Variants in MAPRE2 observed in about 807,000 individuals in gnomAD.
MAPRE2 encodes microtubule associated protein RP/EB family member 2, also known as microtubule-associated protein RP/EB family member 2.
MAPRE2 carries 13 observed loss-of-function variants against 43.2 expected under a neutral mutation model. The observed-to-expected ratio is 0.30, with a 90% CI of 0.20 to 0.48. The LOEUF (loss-of-function observed/expected upper bound fraction) is 0.48, where lower values mean the gene tolerates loss of function less well. Ranked by LOEUF, MAPRE2 falls within the 20% of genes least tolerant of loss-of-function variation. The probability of loss-of-function intolerance (pLI) is 0.99; values close to 1 mark genes in which losing one functional copy is unlikely to be tolerated. For missense variants in MAPRE2, 161 were observed against 400.2 expected (o/e 0.40, Z 5.10); for synonymous variants, 135 against 148.8 (o/e 0.91, Z 0.68).
intron 2 of MAPRE2, among the ~76,000 whole-genome samples, chr18:35,012,476 G>A (rs910190044): frequency 2.6e-5 from 4 of 152,124 alleles, no homozygotes; most frequent in African/African-American, 4.8e-5. Flanking sequence ...ATTCACAGTC[G>A]CCAAAAGGTG....
At chr18:35,132,384 A>T (rs1910197285) in intron 6 of MAPRE2, among the ~76,000 whole-genome samples, 194 bp downstream of exon 6, 1 of 152,250 alleles carries the variant, frequency 6.6e-6, no homozygotes, top group African/African-American at 2.4e-5. Context: ...TGGGACAGGC[A>T]GTCATAAATT....
intron 2 of MAPRE2, among the ~76,000 whole-genome samples, chr18:35,029,309 T>C (rs2150591337): frequency 6.6e-6 from 1 of 152,330 alleles, no homozygotes; most frequent in South Asian, 2.1e-4. Context: ...GCTGCCGGCC[T>C]CATGTTCCCT....
At chr18:35,102,869 A>G (rs1386613676) in intron 4 of MAPRE2, among the ~76,000 whole-genome samples, 1 of 152,196 alleles carries the variant, frequency 6.6e-6, no homozygotes, top group African/African-American at 2.4e-5. Flanking sequence ...CTGCACAATT[A>G]AGCATGAAAT....
At chr18:35,055,537 C>CTGTG (rs34194364) in intron 1 of MAPRE2, among the ~76,000 whole-genome samples, 2,048 of 146,672 alleles carry the variant, frequency 0.014, 55 homozygotes, top group African/African-American at 0.044. Context: ...ATTCAGTTCT[C>CTGTG]TGTGTGTGTG....
chr18:34,982,648 A>G (rs1410957128), intron 1 of MAPRE2, among the ~76,000 whole-genome samples: 1 of 152,224 alleles, frequency 6.6e-6, no homozygotes, highest in East Asian at 1.9e-4. Flanking sequence ...TATTTCTTAA[A>G]CCAGAGCTTT....
At chr18:35,114,388 C>T (rs942774503) in intron 4 of MAPRE2, among the ~76,000 whole-genome samples, 2 of 152,074 alleles carry the variant, frequency 1.3e-5, no homozygotes, top group East Asian at 3.9e-4. Context: ...AAAAACATTT[C>T]CTTTCATCCT....
chr18:35,083,340 A>G (rs974515918), intron 2 of MAPRE2, among the ~76,000 whole-genome samples: 6 of 152,172 alleles, frequency 3.9e-5, no homozygotes, highest in Admixed American at 3.9e-4. Flanking sequence ...GAAACTTTCT[A>G]TTTTCATGAC....
In MAPRE2 at chr18:35,026,407, T is replaced by C. The variant is rs573061914; in HGVS notation, c.-8+20854T>C. 2.0e-5 allele frequency among the ~76,000 whole-genome samples: 3 copies of C among 152,330 alleles called. No homozygotes were observed. In the South Asian group the frequency reaches 6.2e-4, roughly 32 times the overall value. On this transcript the variant is annotated intron_variant, in intron 2 of 7. Coordinates refer to the MAPRE2 transcript ENST00000413393. ...CTAATTTCTGTGCATGCCTCTGACC[T>C]GCTTATTCAGCAAGTGAGAGAATGC...
chr18:35,081,147 C>T (rs1393480218), intron 2 of MAPRE2, among the ~76,000 whole-genome samples: 6 of 152,030 alleles, frequency 3.9e-5, no homozygotes, highest in East Asian at 1.9e-4. Context: ...TTTAAAATTG[C>T]GCAGAATTGT....
At chr18:35,043,254 T>G (rs1173824040) in intron 1 of MAPRE2, among the ~76,000 whole-genome samples, 1 of 152,222 alleles carries the variant, frequency 6.6e-6, no homozygotes, top group Non-Finnish European at 1.5e-5. Flanking sequence ...CTTGAAGTGA[T>G]TTTAAATCTC....
chr18:35,134,087 A>C (rs939576427), intron 6 of MAPRE2, among the ~76,000 whole-genome samples: 1 of 152,206 alleles, frequency 6.6e-6, no homozygotes, highest in Non-Finnish European at 1.5e-5. Context: ...TTGGGGTTTG[A>C]GGTAGAAGGG....
chr18:34,996,922 GTTTCAAC>G (rs1460931978), intron 1 of MAPRE2, among the ~76,000 whole-genome samples: 2 of 152,146 alleles, frequency 1.3e-5, no homozygotes, highest in African/African-American at 4.8e-5. Context: ...CAGTGTTTGG[GTTTCAAC>G]TCTCCCCTTT....
intron 2 of MAPRE2, among the ~76,000 whole-genome samples, chr18:35,027,117 G>A (rs948815819): frequency 6.6e-6 from 1 of 152,138 alleles, no homozygotes; most frequent in Non-Finnish European, 1.5e-5. Context: ...AGTAAAGAAG[G>A]TTCAGCAGGT....
At chr18:35,136,396 G>T (rs1161908718) in intron 6 of MAPRE2, among the ~76,000 whole-genome samples, 1 of 152,192 alleles carries the variant, frequency 6.6e-6, no homozygotes, top group Non-Finnish European at 1.5e-5. Context: ...TACCTCAGAG[G>T]AGCTCCCAGT....
chr18:35,128,846 G>A (rs1910019025), intron 5 of MAPRE2, among the ~76,000 whole-genome samples: 1 of 152,058 alleles, frequency 6.6e-6, no homozygotes, highest in Non-Finnish European at 1.5e-5. Context: ...GTATAACCAC[G>A]TGGAAACCTT....
At chr18:34,998,548 C>T (rs2097027688) in intron 1 of MAPRE2, among the ~76,000 whole-genome samples, 2 of 151,752 alleles carry the variant, frequency 1.3e-5, no homozygotes, top group Non-Finnish European at 2.9e-5. Flanking sequence ...AGGATGGTCT[C>T]GATCTCCTGA....
At chr18:35,039,198 G>A (rs1469316171), upstream of MAPRE2, among the ~76,000 whole-genome samples, 1 of 152,220 alleles carries the variant, frequency 6.6e-6, no homozygotes, top group Non-Finnish European at 1.5e-5. Flanking sequence ...TTAAATATTT[G>A]ATTTGTAGAC....
intron 4 of MAPRE2, among the ~76,000 whole-genome samples, chr18:35,112,503 A>G (rs1390501174): frequency 6.6e-6 from 1 of 152,028 alleles, no homozygotes. Context: ...CCCCTACCCC[A>G]TATTAGCATG....
At chr18:35,029,755 G>T (rs916899656) in intron 2 of MAPRE2, among the ~76,000 whole-genome samples, 4 of 152,082 alleles carry the variant, frequency 2.6e-5, no homozygotes, top group Non-Finnish European at 4.4e-5. Context: ...GCTGTCCTAT[G>T]CAGTCACTTC....
Sources: gnomAD v4.1 joint callset for allele counts (sites outside exome capture counted in the v4.1 genomes callset) on GRCh38, gnomAD v4.1.1 for gene constraint, MANE v1.5 for transcripts, NCBI Gene and HGNC (gene_info 2026-07-23, HGNC 2026-07-21) for gene names.